Variants in LOC400499 observed in about 807,000 individuals in gnomAD.
At chr16:11,398,233 T>C in the LOC400499 span, 2 of 896,022 alleles carry the variant, frequency 2.2e-6, no homozygotes, top group Non-Finnish European at 2.9e-6. Flanking sequence ...GCCACGATGG[T>C]GGCGTCTGGC....
the LOC400499 span, among the ~76,000 whole-genome samples, chr16:11,453,660 G>A: frequency 6.6e-6 from 1 of 152,000 alleles, no homozygotes; most frequent in African/African-American, 2.4e-5. Context: ...AAAGGACAAA[G>A]AAATAGAACA....
the LOC400499 span, among the ~76,000 whole-genome samples, chr16:11,383,069 G>A: frequency 7.4e-6 from 1 of 135,530 alleles, no homozygotes; most frequent in Non-Finnish European, 1.6e-5. Flanking sequence ...AGGTGCCAGG[G>A]TCTTTTTTTT....
chr16:11,475,138 C>T, the LOC400499 span, among the ~76,000 whole-genome samples: 6 of 152,114 alleles, frequency 3.9e-5, no homozygotes, highest in African/African-American at 1.4e-4. Flanking sequence ...ACCATACCCT[C>T]CCTCTTTCCC....
chr16:11,469,449 T>G, the LOC400499 span: 6 of 398,928 alleles, frequency 1.5e-5, no homozygotes, highest in Admixed American at 4.4e-5. Flanking sequence ...GCAGGGGCCC[T>G]GCCCCGGGTG....
the LOC400499 span, among the ~76,000 whole-genome samples, chr16:11,521,416 C>T: frequency 6.6e-6 from 1 of 152,180 alleles, no homozygotes; most frequent in Non-Finnish European, 1.5e-5. Context: ...AAATCTGCAA[C>T]CACCAAGTGG....
the LOC400499 span, among the ~76,000 whole-genome samples, chr16:11,446,061 G>A: frequency 6.6e-6 from 1 of 152,008 alleles, no homozygotes; most frequent in Non-Finnish European, 1.5e-5. Flanking sequence ...CTGACCTCAG[G>A]TGATCTGCCC....
At chr16:11,511,892 T>G in the LOC400499 span, among the ~76,000 whole-genome samples, 1 of 151,968 alleles carries the variant, frequency 6.6e-6, no homozygotes, top group Non-Finnish European at 1.5e-5. Context: ...CCAGGCATGG[T>G]GGCGCACAGC....
the LOC400499 span, among the ~76,000 whole-genome samples, chr16:11,383,213 C>G: frequency 6.6e-6 from 1 of 151,972 alleles, no homozygotes; most frequent in Non-Finnish European, 1.5e-5. Context: ...CTACAGGCGC[C>G]CGCAACCATG....
chr16:11,384,125 C>CCAT, the LOC400499 span: 29 of 1,217,296 alleles, frequency 2.4e-5, no homozygotes, highest in Non-Finnish European at 3.0e-5. Flanking sequence ...CTCTGCAGAG[C>CCAT]CATCAGGCCG....
At chr16:11,411,049 G>C in the LOC400499 span, among the ~76,000 whole-genome samples, 1 of 152,250 alleles carries the variant, frequency 6.6e-6, no homozygotes, top group Non-Finnish European at 1.5e-5. Context: ...GGCCACGGGG[G>C]CTGGCCCAGG....
chr16:11,466,204 A>AT, the LOC400499 span, among the ~76,000 whole-genome samples: 4 of 152,048 alleles, frequency 2.6e-5, no homozygotes, highest in African/African-American at 9.7e-5. Flanking sequence ...TCACCAAAAA[A>AT]TCCCTAACAG....
At chr16:11,398,316 TCCAGCTGCCC>T in the LOC400499 span, 1 of 1,232,024 alleles carries the variant, frequency 8.1e-7, no homozygotes, top group Non-Finnish European at 1.0e-6. Flanking sequence ...TCCCTGGTCC[TCCAGCTGCCC>T]CCTTCTGCAG....
the LOC400499 span, among the ~76,000 whole-genome samples, chr16:11,493,302 A>T: frequency 1.3e-5 from 2 of 152,294 alleles, no homozygotes; most frequent in South Asian, 4.1e-4. Context: ...GCCATAGATA[A>T]CACCTAAGTG....
At chr16:11,430,520 A>G in the LOC400499 span, among the ~76,000 whole-genome samples, 1 of 152,120 alleles carries the variant, frequency 6.6e-6, no homozygotes, top group African/African-American at 2.4e-5. Flanking sequence ...AAGAATTATC[A>G]TGTCTGCAAT....
At chr16:11,424,071 C>A in the LOC400499 span, 4 of 399,112 alleles carry the variant, frequency 1.0e-5, no homozygotes, top group African/African-American at 8.2e-5. Flanking sequence ...ACCCACTGGC[C>A]CCCGAGAGGG....
chr16:11,413,428 G>T, the LOC400499 span, among the ~76,000 whole-genome samples: 1 of 152,140 alleles, frequency 6.6e-6, no homozygotes, highest in Admixed American at 6.5e-5. Context: ...AAACAGGAGG[G>T]TGTGAAAGAA....
the LOC400499 span, among the ~76,000 whole-genome samples, chr16:11,490,844 G>A: frequency 1.3e-5 from 2 of 152,256 alleles, no homozygotes; most frequent in Non-Finnish European, 2.9e-5. Flanking sequence ...TGTTCACAGT[G>A]TGTATCTTCA....
At chr16:11,449,181 C>T in the LOC400499 span, 38 of 1,267,572 alleles carry the variant, frequency 3.0e-5, no homozygotes, top group Non-Finnish European at 3.8e-5. Context: ...CCTTTCATCT[C>T]TTTCCTGCTT....
chr16:11,435,104 C>T, the LOC400499 span, among the ~76,000 whole-genome samples: 8 of 152,022 alleles, frequency 5.3e-5, no homozygotes, highest in Non-Finnish European at 1.2e-4. Context: ...CTCAGCCTCC[C>T]AAGTAGCTGG....
Sources: allele counts gnomAD v4.1 joint callset (sites outside exome capture counted in the v4.1 genomes callset), GRCh38; gene constraint gnomAD v4.1.1; transcripts MANE v1.5.